STK26: variants seen among roughly 807,000 people sequenced by gnomAD.
STK26 encodes serine/threonine kinase 26.
In STK26, 14 loss-of-function variants were observed where a neutral mutation model predicts 34.7. That is an observed-to-expected ratio of 0.40 (90% CI 0.27 to 0.63). The LOEUF is 0.63. Among genes scored for constraint, STK26 ranks in the 30% least tolerant of loss-of-function variants. The pLI is 0.38. For missense variants in STK26, 226 were observed against 309.1 expected, an observed-to-expected ratio of 0.73 and a Z score of 2.02; for synonymous variants, 100 against 109.8, an observed-to-expected ratio of 0.91 and a Z score of 0.56.
intron 2 of STK26, among the ~76,000 whole-genome samples, chrX:132,039,961 A>G (rs1253660584): frequency 9.0e-6 from 1 of 111,714 alleles, no homozygotes; most frequent in Non-Finnish European, 1.9e-5. Context: ...AAGGACATAT[A>G]AGGAAGCCCA....
At position 132,023,529 on chromosome X, in the gene STK26, A is replaced by T; in HGVS notation, c.-89A>T. 9.3e-7 allele frequency: 1 copy of T among 1,080,384 alleles called. No homozygotes were observed. The allele number at this position is 1,080,384 out of a possible 1,213,427, so 89.0% of individuals were successfully genotyped here. A position where few individuals can be genotyped will look rare whatever the true frequency, so the allele number is the denominator to read the frequency against. Reference sequence around the variant, plus strand: ...CCAGGCCCCGATCGAAAAGCCTGGGAGGGCCGCCGAACTACCCCCGGAGGG... The same window carrying T: ...CCAGGCCCCGATCGAAAAGCCTGGGTGGGCCGCCGAACTACCCCCGGAGGG... On this transcript the variant is annotated 5_prime_UTR_variant, in exon 2 of 12. Transcript: ENST00000394334.
chrX:132,037,583 G>C (rs1926099380), intron 2 of STK26, among the ~76,000 whole-genome samples: 1 of 110,653 alleles, frequency 9.0e-6, no homozygotes, highest in African/African-American at 3.3e-5. Context: ...TAAAATCAGA[G>C]ATATGTGGGC....
At chrX:132,037,760 G>A (rs1350000417) in intron 2 of STK26, among the ~76,000 whole-genome samples, 1 of 88,304 alleles carries the variant, frequency 1.1e-5, no homozygotes, top group Non-Finnish European at 2.1e-5. Context: ...TCTTGTAACC[G>A]GAGAGCTGCT....
At chrX:132,058,501 G>C (rs1468961118) in intron 3 of STK26, among the ~76,000 whole-genome samples, 1 of 111,094 alleles carries the variant, frequency 9.0e-6, no homozygotes, top group East Asian at 2.8e-4. Context: ...AATTTTATTG[G>C]TTGCTTATTT....
At chrX:132,051,702 C>T (rs1057483521) in intron 2 of STK26, among the ~76,000 whole-genome samples, 1 of 110,845 alleles carries the variant, frequency 9.0e-6, no homozygotes, top group Non-Finnish European at 1.9e-5. Flanking sequence ...CACCCATCAA[C>T]TCATCATTTA....
At chrX:132,051,292 G>A (rs1482156599) in intron 2 of STK26, among the ~76,000 whole-genome samples, 1 of 111,759 alleles carries the variant, frequency 8.9e-6, no homozygotes, top group Non-Finnish European at 1.9e-5. Context: ...TTCTAACAGT[G>A]TACTTATAGT....
At chrX:132,071,906 T>G (rs754618804) in intron 8 of STK26, among the ~76,000 whole-genome samples, 3 of 111,679 alleles carry the variant, frequency 2.7e-5, no homozygotes, top group African/African-American at 9.8e-5. Flanking sequence ...TCAGAATAAT[T>G]TGTGCCCTAT....
chrX:132,074,113 A>T, intron 11 of STK26, 22 bp from the exon 12 acceptor site: 4 of 1,192,008 alleles, frequency 3.4e-6, no homozygotes, highest in Non-Finnish European at 4.5e-6. Context: ...ACATTGGTTT[A>T]AATTTTTTAA....
chrX:132,057,025 C>T (rs996007931), intron 3 of STK26, among the ~76,000 whole-genome samples: 6 of 111,946 alleles, frequency 5.4e-5, no homozygotes, highest in East Asian at 2.8e-4. Flanking sequence ...ACCTTGGCTC[C>T]GGGGCCCTGG....
chrX:132,072,332 C>T lies in STK26; in HGVS notation c.997C>T (p.Pro333Ser). Residue 333 changes from proline to serine, a missense_variant, in exon 9 of 12, where the codon CCT becomes TCT. Around this residue, in one of 2 missense-constraint regions of STK26, gnomAD observed 126 missense variants for 132.4 expected, o/e 0.95. Transcript: ENST00000394334. ...GAGCTTTACCACCGTACGAAAGAAG[C>T]CTGATCCAAAGAAAGTACAGAATGG... ...EWSFTTVRKK[P>S]DPKKVQNGAE... 8.3e-7 allele frequency: 1 copy of T among 1,206,092 alleles called. No individual in the cohort carries two copies. The highest frequency in any genetic ancestry group is 1.1e-6 in the Non-Finnish European group (1 of 891,008).
chrX:132,046,829 C>T lies in STK26; in HGVS notation c.43-7802C>T, dbSNP rs1278325081. ...TTGATGTAATGACATATCCCTACTA[C>T]ATTTCATTTATCTCATTTCATGCAT... On this transcript the variant is annotated intron_variant, in intron 2 of 11. Coordinates refer to ENST00000394334, the MANE Select transcript of STK26 (RefSeq NM_016542.4). Among the ~76,000 whole-genome samples the T allele has an allele frequency of 3.6e-5, 4 of 111,962 alleles. No individual in the cohort carries two copies. In the East Asian group the frequency reaches 8.3e-4, roughly 23 times the overall value.
chrX:132,026,761 G>A (rs1489588940), intron 2 of STK26, among the ~76,000 whole-genome samples: 2 of 112,443 alleles, frequency 1.8e-5, no homozygotes, highest in African/African-American at 6.5e-5. Flanking sequence ...TGTGCCTCTT[G>A]TTAAAGAACT....
chrX:132,049,937 T>G (rs1926628342), intron 2 of STK26, among the ~76,000 whole-genome samples: 1 of 111,643 alleles, frequency 9.0e-6, no homozygotes, highest in Non-Finnish European at 1.9e-5. Flanking sequence ...GATACGTGAG[T>G]TGAATCCTTC....
chrX:132,034,111 C>CATATAT (rs35610755), intron 2 of STK26, among the ~76,000 whole-genome samples: 9,911 of 94,690 alleles, frequency 0.1, 538 homozygotes, highest in Non-Finnish European at 0.13. Context: ...ATAATAAATA[C>CATATAT]ATATATATAT....
chrX:132,050,114 G>A lies in STK26; in HGVS notation c.43-4517G>A, dbSNP rs776040875. Among the ~76,000 whole-genome samples, 4 of 111,035 alleles carry A rather than the reference G, an allele frequency of 3.6e-5. No homozygotes were observed. In the East Asian group the frequency reaches 1.1e-3, roughly 31 times the overall value. On this transcript the variant is annotated intron_variant, in intron 2 of 11. Transcript: ENST00000394334. ...ATTTTGCTCTCTAGGTCCCCATTCT[G>A]CGAGAACTCCAAGACTAATTCTAAA...
chrX:132,055,098 AGGAGCAGAAAT>A (rs1248569577), intron 3 of STK26, among the ~76,000 whole-genome samples: 2 of 112,013 alleles, frequency 1.8e-5, no homozygotes, highest in African/African-American at 6.5e-5. Flanking sequence ...GGTTTGATGG[AGGAGCAGAAAT>A]GCAGCTGGTC....
At chrX:132,043,733 G>A in intron 2 of STK26, among the ~76,000 whole-genome samples, 1 of 111,321 alleles carries the variant, frequency 9.0e-6, no homozygotes, top group Non-Finnish European at 1.9e-5. Flanking sequence ...CATCCTGGAT[G>A]CTCCAGGACA....
At chrX:132,033,380 A>G (rs1925913711) in intron 2 of STK26, among the ~76,000 whole-genome samples, 1 of 112,337 alleles carries the variant, frequency 8.9e-6, no homozygotes, top group Admixed American at 9.4e-5. Context: ...GTATGGTGAC[A>G]GAAAATAGAA....
Position 132,072,280 on chromosome X carries a change from C to T in STK26, c.945C>T (p.Ser315=). ...DSEGSDSEST[S]RENNTHPEWS... The stretch of plus-strand genomic sequence containing the variant: ...GCAATCTCTTTAGGGAATCTACCAG[C>T]AGGGAAAACAATACTCATCCTGAAT... The change falls in exon 9 of 12, where the codon AGC becomes AGT. Residue 315 remains serine (S), a synonymous_variant. Coordinates refer to ENST00000394334, the MANE Select transcript of STK26 (RefSeq NM_016542.4). 1 of 1,206,838 alleles carries T rather than the reference C, an allele frequency of 8.3e-7. No homozygotes were observed. Among genetic ancestry groups the T allele is most frequent in the Non-Finnish European group, 1.1e-6 (1 of 891,670 alleles).
Sources: allele counts gnomAD v4.1 joint callset (sites outside exome capture counted in the v4.1 genomes callset), GRCh38; gene constraint gnomAD v4.1.1; regional missense constraint gnomAD v4.1.1; transcripts MANE v1.5; gene names NCBI Gene and HGNC (gene_info 2026-07-23, HGNC 2026-07-21).